Variants in CSMD1 observed in about 807,000 individuals in gnomAD.
The protein encoded by CSMD1 is CUB and sushi domain-containing protein 1.
A neutral mutation model predicts 417.5 loss-of-function variants in CSMD1; 213 were observed. That is an observed-to-expected ratio of 0.51 (90% CI 0.46 to 0.57). The LOEUF is 0.57. CSMD1 is among the 20% of genes least tolerant of loss of function. The pLI is 0.00. For missense variants in CSMD1, 6,923 were observed against 4,529.7 expected (o/e 1.53, Z -15.17); for synonymous variants, 2,862 against 1,736.8 (o/e 1.65, Z -16.11).
At chr8:4,767,445 C>T (rs923227613) in intron 1 of CSMD1, among the ~76,000 whole-genome samples, 11 of 152,192 alleles carry the variant, frequency 7.2e-5, no homozygotes, top group South Asian at 2.1e-4. Context: ...TGACCAATCC[C>T]GCACATAGCT....
At chr8:3,522,813 C>G (rs531601357) in intron 10 of CSMD1, among the ~76,000 whole-genome samples, 1 of 150,882 alleles carries the variant, frequency 6.6e-6, no homozygotes, top group Non-Finnish European at 1.5e-5. Flanking sequence ...TATTAAATTA[C>G]GTATTTTATT....
At chr8:4,470,871 GAATT>G (rs1585131417) in intron 2 of CSMD1, among the ~76,000 whole-genome samples, 1 of 152,094 alleles carries the variant, frequency 6.6e-6, no homozygotes, top group Non-Finnish European at 1.5e-5. Flanking sequence ...ATGTAAAACT[GAATT>G]ATTTTTAAGT....
intron 3 of CSMD1, among the ~76,000 whole-genome samples, chr8:4,080,554 G>A (rs967975571): frequency 6.6e-6 from 1 of 152,136 alleles, no homozygotes; most frequent in Non-Finnish European, 1.5e-5. Context: ...GGTTTCTCCA[G>A]AAGATAAAAC....
chr8:4,432,812 C>A (rs1012813533), intron 2 of CSMD1, among the ~76,000 whole-genome samples: 2 of 152,138 alleles, frequency 1.3e-5, no homozygotes, highest in African/African-American at 4.8e-5. Flanking sequence ...TAGAAACCAA[C>A]CAACAATTTA....
intron 23 of CSMD1, among the ~76,000 whole-genome samples, chr8:3,338,923 G>T (rs1015314026): frequency 6.6e-6 from 1 of 150,796 alleles, no homozygotes; most frequent in Non-Finnish European, 1.5e-5. Context: ...CCATGCTGGT[G>T]CGCTGCACCC....
intron 3 of CSMD1, among the ~76,000 whole-genome samples, chr8:4,135,461 T>C (rs1585392358): frequency 2.6e-5 from 4 of 151,392 alleles, no homozygotes; most frequent in African/African-American, 9.7e-5. Flanking sequence ...AGAAGCAAAA[T>C]GAATATAACT....
rs1031632608 is a variant in CSMD1 at position 4,700,723 on chromosome 8, A to G, written c.86-63165T>C. ...TTCAGAAACTCACAAAATTATATCC[A>G]TAAAGTCAGCACATTTTATTATATG... is the stretch of plus-strand genomic sequence containing the variant. On this transcript the variant is annotated intron_variant, in intron 1 of 69. Transcript: ENST00000635120. 2.6e-5 allele frequency among the ~76,000 whole-genome samples: 4 copies of G among 152,326 alleles called. No homozygotes were observed. In the South Asian group the frequency reaches 8.3e-4, roughly 32 times the overall value.
At chr8:3,288,762 A>C (rs1000015085) in intron 25 of CSMD1, among the ~76,000 whole-genome samples, 2 of 146,808 alleles carry the variant, frequency 1.4e-5, no homozygotes, top group South Asian at 4.2e-4. Flanking sequence ...TCCTGGATTC[A>C]TTGATTTTTT....
intron 5 of CSMD1, among the ~76,000 whole-genome samples, chr8:3,925,003 G>C (rs970368411): frequency 1.3e-5 from 2 of 152,024 alleles, no homozygotes; most frequent in Admixed American, 1.3e-4. Flanking sequence ...TTGCTGACTG[G>C]TAAGAGAAAG....
chr8:4,152,427 C>G (rs992060732), intron 3 of CSMD1, among the ~76,000 whole-genome samples: 1 of 151,958 alleles, frequency 6.6e-6, no homozygotes, highest in Admixed American at 6.6e-5. Context: ...ACCTGTAATC[C>G]CAGCAATTTG....
intron 1 of CSMD1, among the ~76,000 whole-genome samples, chr8:4,749,180 G>T (rs982091858): frequency 6.6e-6 from 1 of 152,184 alleles, no homozygotes; most frequent in Non-Finnish European, 1.5e-5. Context: ...TCTATTGATT[G>T]ATATGGATTA....
At chr8:3,936,610 C>T (rs1584996529) in intron 5 of CSMD1, among the ~76,000 whole-genome samples, 2 of 152,056 alleles carry the variant, frequency 1.3e-5, no homozygotes, top group African/African-American at 4.8e-5. Flanking sequence ...ATTTTAAGGC[C>T]ACTGTTGAGA....
intron 3 of CSMD1, among the ~76,000 whole-genome samples, chr8:4,063,923 A>T (rs1799109834): frequency 1.3e-5 from 2 of 152,206 alleles, no homozygotes; most frequent in African/African-American, 4.8e-5. Flanking sequence ...GTGATAAATC[A>T]TCTTTCATCC....
intron 1 of CSMD1, among the ~76,000 whole-genome samples, chr8:4,900,956 G>A (rs904193842): frequency 1.3e-5 from 2 of 152,178 alleles, no homozygotes; most frequent in Non-Finnish European, 2.9e-5. Context: ...CGGCCACATG[G>A]CAAGTCTTAA....
chr8:3,613,039 T>C lies in CSMD1; in HGVS notation c.1097+3671A>G, dbSNP rs192533518. On this transcript the variant is annotated intron_variant, in intron 8 of 69. Transcript: ENST00000635120. ...TAATATTGACATGTTAATAGGCAGA[T>C]GGAACAAGTAAAATTTTTTTAAAAA... Among the ~76,000 whole-genome samples, 7 of 152,138 alleles carry C rather than the reference T, an allele frequency of 4.6e-5. No individual in the cohort carries two copies. The East Asian group carries it at 7.7e-4, about 17-fold the overall frequency.
intron 2 of CSMD1, among the ~76,000 whole-genome samples, chr8:4,565,790 ATATATATGTATACATATATATATT>A (rs1798578481): frequency 2.7e-5 from 2 of 73,322 alleles, no homozygotes; most frequent in African/African-American, 4.8e-5. Context: ...ATATATATAT[ATATATATGTATACATATATATATT>A]ATATACACAC....
intron 7 of CSMD1, among the ~76,000 whole-genome samples, chr8:3,699,712 G>A (rs138835718): frequency 1.1e-4 from 17 of 152,296 alleles, no homozygotes; most frequent in Admixed American, 3.9e-4. Flanking sequence ...CCTGGAGAAG[G>A]AACAGATGCT....
At chr8:3,067,674 T>C (rs932475503) in intron 49 of CSMD1, among the ~76,000 whole-genome samples, 10 of 150,704 alleles carry the variant, frequency 6.6e-5, no homozygotes, top group Admixed American at 2.0e-4. Context: ...TAAAAATTTA[T>C]ATTCACTAAC....
In CSMD1 at chr8:3,750,207, C is replaced by T. The variant is rs1014857266; in HGVS notation, c.931+3723G>A. Among the ~76,000 whole-genome samples the T allele has an allele frequency of 2.0e-5, 3 of 151,956 alleles. No homozygotes were observed. The South Asian group carries it at 6.2e-4, about 32-fold the overall frequency. On this transcript the variant is annotated intron_variant, in intron 6 of 69. Transcript: ENST00000635120. ...GTAACACTGACGGAATTTTTGTTCTCTTACAAATGACCATAAATGATAAAC... is the reference window on the plus strand; with the variant it reads ...GTAACACTGACGGAATTTTTGTTCTTTTACAAATGACCATAAATGATAAAC...
Sources: allele counts gnomAD v4.1 joint callset (sites outside exome capture counted in the v4.1 genomes callset), GRCh38; gene constraint gnomAD v4.1.1; transcripts MANE v1.5; gene names NCBI Gene and HGNC (gene_info 2026-07-23, HGNC 2026-07-21).